The following PCDH11X variants were observed in gnomAD, a reference collection of about 807,000 sequenced individuals.
The protein encoded by PCDH11X is protocadherin 11 X-linked, also known as protocadherin-11 X-linked.
In PCDH11X, 18 loss-of-function variants were observed where a neutral mutation model predicts 53.3. The ratio of observed to expected loss-of-function variants is 0.34; its 90% CI spans 0.23 to 0.50. PCDH11X has a LOEUF of 0.50. Ranked by LOEUF, PCDH11X falls within the 20% of genes least tolerant of loss-of-function variation. The pLI is 0.98. For missense variants in PCDH11X, 570 were observed against 1,032.4 expected, an observed-to-expected ratio of 0.55 and a Z score of 6.14; for synonymous variants, 279 against 393.3, an observed-to-expected ratio of 0.71 and a Z score of 3.44.
chrX:91,921,564 A>G, intron 6 of PCDH11X, among the ~76,000 whole-genome samples: 1 of 107,584 alleles, frequency 9.3e-6, no homozygotes, highest in Non-Finnish European at 1.9e-5. Context: ...ATCATACAGT[A>G]TGTAGCCATT....
chrX:92,124,653 T>C (rs772321772), intron 6 of PCDH11X, among the ~76,000 whole-genome samples: 4 of 109,546 alleles, frequency 3.7e-5, no homozygotes, highest in Admixed American at 2.0e-4. Flanking sequence ...CCCAGGCCAT[T>C]TGGGAGTAGG....
chrX:91,983,772 C>T (rs1469080797), intron 6 of PCDH11X, among the ~76,000 whole-genome samples: 1 of 110,702 alleles, frequency 9.0e-6, no homozygotes, highest in Non-Finnish European at 1.9e-5. Flanking sequence ...AGAGCCAAAC[C>T]ATATCAACCA....
intron 10 of PCDH11X, among the ~76,000 whole-genome samples, chrX:92,540,944 C>A (rs1298870904): frequency 9.2e-6 from 1 of 108,478 alleles, no homozygotes; most frequent in African/African-American, 3.4e-5. Flanking sequence ...CCTCTTTTTT[C>A]TTTCCTTTTC....
intron 6 of PCDH11X, among the ~76,000 whole-genome samples, chrX:92,164,335 G>T (rs1323821523): frequency 1.8e-5 from 2 of 112,343 alleles, no homozygotes; most frequent in African/African-American, 6.5e-5. Context: ...GTAGAAAACC[G>T]TTAAGGAGGA....
chrX:92,285,472 C>T (rs1405889621), intron 8 of PCDH11X, among the ~76,000 whole-genome samples: 6 of 109,516 alleles, frequency 5.5e-5, no homozygotes, highest in African/African-American at 1.0e-4. Flanking sequence ...AGGCTGGTCG[C>T]GAACTCCTGA....
At chrX:92,403,018 T>C (rs1003391330) in intron 9 of PCDH11X, among the ~76,000 whole-genome samples, 3 of 108,923 alleles carry the variant, frequency 2.8e-5, no homozygotes, top group African/African-American at 6.7e-5. Context: ...TACCAAAGAT[T>C]CTAATTGAAG....
chrX:91,843,565 G>T (rs1261103700), intron 5 of PCDH11X, among the ~76,000 whole-genome samples: 1 of 110,771 alleles, frequency 9.0e-6, no homozygotes, highest in Non-Finnish European at 1.9e-5. Context: ...TGATCCTCCT[G>T]CCTCGGCCTC....
At chrX:91,826,884 T>G (rs958696386) in intron 4 of PCDH11X, among the ~76,000 whole-genome samples, 2 of 103,319 alleles carry the variant, frequency 1.9e-5, no homozygotes, top group African/African-American at 7.1e-5. Context: ...TTTAGGTTGA[T>G]TCTATGTATT....
chrX:91,921,846 T>A lies in PCDH11X; in HGVS notation c.3033+42573T>A, dbSNP rs755099835. 5.2e-4 allele frequency among the ~76,000 whole-genome samples: 58 copies of A among 110,709 alleles called. 1 individual carries two copies. Among genetic ancestry groups the A allele is most frequent in the Non-Finnish European group, 4.9e-4 (26 of 52,851 alleles). The stretch of plus-strand genomic sequence containing the variant: ...ACTAAGGAATGTGATTGCTGAGCCT[T>A]ATGGTTAATAGTATATTTAGTTTTG... On this transcript the variant is annotated intron_variant, in intron 6 of 10. Coordinates refer to ENST00000682573, the MANE Select transcript of PCDH11X (RefSeq NM_032968.5).
chrX:92,111,970 G>A (rs1007478126), intron 6 of PCDH11X, among the ~76,000 whole-genome samples: 3 of 108,946 alleles, frequency 2.8e-5, no homozygotes, highest in South Asian at 8.1e-4. Flanking sequence ...TGTTAGCCAG[G>A]ATGGTCTCGA....
chrX:92,134,583 A>C (rs2065053360), intron 6 of PCDH11X, among the ~76,000 whole-genome samples: 1 of 110,956 alleles, frequency 9.0e-6, no homozygotes, highest in African/African-American at 3.3e-5. Flanking sequence ...TGCAAGAAAA[A>C]ATTTGGGGTG....
intron 10 of PCDH11X, among the ~76,000 whole-genome samples, chrX:92,532,559 T>G (rs1173678219): frequency 9.1e-6 from 1 of 109,490 alleles, no homozygotes; most frequent in Non-Finnish European, 1.9e-5. Flanking sequence ...AAAAGATGCT[T>G]ACCTTTGGAA....
chrX:92,553,409 G>T (rs2074995444), intron 10 of PCDH11X, among the ~76,000 whole-genome samples: 1 of 109,599 alleles, frequency 9.1e-6, no homozygotes, highest in African/African-American at 3.3e-5. Context: ...ATTTCTTGCA[G>T]CATCAGTTGT....
At chrX:92,492,066 T>C in intron 10 of PCDH11X, among the ~76,000 whole-genome samples, 1 of 111,966 alleles carries the variant, frequency 8.9e-6, no homozygotes, top group Non-Finnish European at 1.9e-5. Flanking sequence ...CTGTAGTCTT[T>C]AATGGTGACA....
At chrX:91,781,251 G>T (rs1935128502) in intron 1 of PCDH11X, among the ~76,000 whole-genome samples, 1 of 109,777 alleles carries the variant, frequency 9.1e-6, no homozygotes, top group Admixed American at 9.6e-5. Flanking sequence ...CCCAGCCTAG[G>T]ATCTGTTTGT....
chrX:91,866,116 G>A (rs749206849), intron 5 of PCDH11X, among the ~76,000 whole-genome samples: 4 of 110,797 alleles, frequency 3.6e-5, no homozygotes, highest in African/African-American at 3.3e-5. Context: ...GCTGGTATCC[G>A]GGATGTAAAA....
At chrX:92,284,331 C>T (rs1221555897) in intron 8 of PCDH11X, among the ~76,000 whole-genome samples, 1 of 109,157 alleles carries the variant, frequency 9.2e-6, no homozygotes, top group Non-Finnish European at 1.9e-5. Flanking sequence ...AAATTCAAAG[C>T]AACATGTATA....
intron 7 of PCDH11X, among the ~76,000 whole-genome samples, chrX:92,230,595 T>C (rs1353773611): frequency 1.0e-5 from 1 of 95,531 alleles, no homozygotes; most frequent in African/African-American, 3.8e-5. Flanking sequence ...ATATATAAAA[T>C]ATATATATAA....
chrX:92,549,943 T>A (rs1289492248), intron 10 of PCDH11X, among the ~76,000 whole-genome samples: 2 of 111,427 alleles, frequency 1.8e-5, no homozygotes, highest in Admixed American at 1.9e-4. Flanking sequence ...TTTCTTGTAG[T>A]GGGAATATTC....
Sources: gnomAD v4.1 joint callset for allele counts (sites outside exome capture counted in the v4.1 genomes callset) on GRCh38, gnomAD v4.1.1 for gene constraint, MANE v1.5 for transcripts, NCBI Gene and HGNC (gene_info 2026-07-23, HGNC 2026-07-21) for gene names.